The following DGKG variants were observed in gnomAD, a reference collection of about 807,000 sequenced individuals.
DGKG encodes the protein diacylglycerol kinase gamma, also known as DAG kinase gamma.
DGKG carries 78 observed loss-of-function variants against 105.3 expected under a neutral mutation model. That is an observed-to-expected ratio of 0.74 (90% CI 0.62 to 0.89). The LOEUF (loss-of-function observed/expected upper bound fraction) is 0.89. DGKG is among the 40% of genes least tolerant of loss of function. DGKG has a pLI of 0.00. For missense variants in DGKG, 958 were observed against 1,020.1 expected (o/e 0.94, Z 0.83); for synonymous variants, 346 against 367.1 (o/e 0.94, Z 0.66).
At chr3:186,217,838 CA>C (rs1560100351) in intron 20 of DGKG, among the ~76,000 whole-genome samples, 1 of 152,172 alleles carries the variant, frequency 6.6e-6, no homozygotes, top group Non-Finnish European at 1.5e-5. Flanking sequence ...GTTGTCAAAA[CA>C]TGAAAACATT....
chr3:186,268,903 T>C lies in DGKG; in HGVS notation c.1014A>G (p.Ala338=). ...AKRSGEVMQH[A]WVEGNSSVKC... ...TGACGGAGGAGTTCCCTTCCACCCA[T>C]GCGTGCTGCATCACCTGCGGGAGGG... The change falls in exon 12 of 25, where the codon GCA becomes GCG. Residue 338 remains alanine, a synonymous_variant. Transcript: ENST00000265022. The C allele has an allele frequency of 1.9e-6, 3 of 1,613,502 alleles. No homozygotes were observed. The highest frequency in any genetic ancestry group is 1.6e-4 in the Middle Eastern group (1 of 6,062).
chr3:186,211,662 C>G (rs1360915236), intron 21 of DGKG, 133 bp downstream of exon 21: 4 of 663,522 alleles, frequency 6.0e-6, no homozygotes, highest in African/African-American at 5.4e-5. Flanking sequence ...TGTTTTGGAA[C>G]AGGATGGAGA....
chr3:186,306,668 G>A, intron 3 of DGKG: 1 of 468,348 alleles, frequency 2.1e-6, no homozygotes, highest in South Asian at 3.4e-5. Context: ...GAGAGGAGGG[G>A]TGAGAGATGA....
chr3:186,207,947 C>G (rs1578665921), intron 21 of DGKG, among the ~76,000 whole-genome samples: 1 of 152,264 alleles, frequency 6.6e-6, no homozygotes, highest in Admixed American at 6.5e-5. Context: ...AGCTTCGTTT[C>G]AGAGATGAGA....
chr3:186,353,816 A>G (rs569017503), intron 1 of DGKG, among the ~76,000 whole-genome samples: 48 of 152,194 alleles, frequency 3.2e-4, no homozygotes, highest in Middle Eastern at 3.4e-3. Flanking sequence ...TACTGATTGA[A>G]TATTGGTTAA....
chr3:186,151,597 C>A (rs542777539), intron 24 of DGKG, among the ~76,000 whole-genome samples: 4 of 152,186 alleles, frequency 2.6e-5, no homozygotes, highest in African/African-American at 9.6e-5. Flanking sequence ...ACAGGTGGGG[C>A]AGCTGGTGTG....
intron 1 of DGKG, among the ~76,000 whole-genome samples, chr3:186,360,583 A>T (rs1373985236): frequency 2.6e-5 from 4 of 152,206 alleles, no homozygotes; most frequent in African/African-American, 9.6e-5. Context: ...AGAGGGACAT[A>T]AAATATAAAG....
chr3:186,311,273 G>A (rs1724528717), intron 2 of DGKG, among the ~76,000 whole-genome samples: 1 of 152,018 alleles, frequency 6.6e-6, no homozygotes, highest in Non-Finnish European at 1.5e-5. Context: ...AATGAAGACT[G>A]TCCTAAAAAG....
intron 2 of DGKG, among the ~76,000 whole-genome samples, chr3:186,317,163 C>T (rs531010009): frequency 6.6e-6 from 1 of 152,236 alleles, no homozygotes. Flanking sequence ...GCATTTGGAG[C>T]TCCTCCTTGC....
intron 5 of DGKG, among the ~76,000 whole-genome samples, chr3:186,292,071 G>A (rs775093953): frequency 2.6e-5 from 4 of 152,146 alleles, no homozygotes; most frequent in Non-Finnish European, 5.9e-5. Context: ...ATGGCCATCT[G>A]AGTACGACCC....
At chr3:186,271,410 C>G (rs1722311333) in intron 11 of DGKG, among the ~76,000 whole-genome samples, 1 of 152,106 alleles carries the variant, frequency 6.6e-6, no homozygotes, top group African/African-American at 2.4e-5. Context: ...ACCCAATAAC[C>G]AGCATGGCCT....
chr3:186,299,841 T>TTTCTTTCTTTCCTTCCTTC (rs1446531456), intron 3 of DGKG, among the ~76,000 whole-genome samples: 23 of 74,614 alleles, frequency 3.1e-4, no homozygotes, highest in African/African-American at 1.1e-3. Context: ...TTCTTTCTTT[T>TTTCTTTCTTTCCTTCCTTC]TTTTTTTTTT....
rs145458894 is a variant in DGKG, at chr3:186,162,360, T to A, written c.2217-697A>T. 6.2e-3 allele frequency among the ~76,000 whole-genome samples: 951 copies of A among 152,288 alleles called. 8 individuals are homozygous for A. Among genetic ancestry groups the A allele is most frequent in the African/African-American group, 0.021 (891 of 41,568 alleles). On this transcript the variant is annotated intron_variant, in intron 23 of 24. Transcript: ENST00000265022. ...CACTGAGCAGGTGCTCCTCAAACAG[T>A]CAGCTAGAAGGCCCAGAGTACGTGC...
In DGKG at chr3:186,220,461, C is replaced by T. The variant is rs190562193; in HGVS notation, c.1827-8576G>A. On this transcript the variant is annotated intron_variant, in intron 20 of 24. Coordinates refer to ENST00000265022, the MANE Select transcript of DGKG (RefSeq NM_001346.3). ...CAAACCCCGTCTTCCAGCCCATACT[C>T]CTTACTGGTTTACTCTCCCTGGCTC... 1.7e-4 allele frequency among the ~76,000 whole-genome samples: 26 copies of T among 152,228 alleles called. 1 individual carries two copies. Among genetic ancestry groups the T allele is most frequent in the South Asian group, 1.5e-3 (7 of 4,816 alleles).
At chr3:186,240,677 G>A (rs1391018549) in intron 20 of DGKG, among the ~76,000 whole-genome samples, 1 of 152,122 alleles carries the variant, frequency 6.6e-6, no homozygotes, top group Non-Finnish European at 1.5e-5. Flanking sequence ...GGGTGTGGTA[G>A]TGGGTGCCTG....
intron 1 of DGKG, among the ~76,000 whole-genome samples, chr3:186,335,132 C>T (rs928756912): frequency 9.2e-5 from 14 of 152,110 alleles, no homozygotes; most frequent in Admixed American, 7.9e-4. Context: ...AGTGCAGTGG[C>T]GCGATCTCAG....
At chr3:186,217,724 A>G (rs1719365075) in intron 20 of DGKG, among the ~76,000 whole-genome samples, 1 of 152,136 alleles carries the variant, frequency 6.6e-6, no homozygotes, top group Admixed American at 6.5e-5. Flanking sequence ...CTGGCCATTC[A>G]CTTTACCAGC....
At chr3:186,299,173 A>G (rs1448139694) in intron 3 of DGKG, among the ~76,000 whole-genome samples, 1 of 152,204 alleles carries the variant, frequency 6.6e-6, no homozygotes, top group Non-Finnish European at 1.5e-5. Flanking sequence ...GCTCCTGGAA[A>G]TCATTTGAGG....
At chr3:186,330,645 G>A (rs1020607913) in intron 1 of DGKG, among the ~76,000 whole-genome samples, 5 of 152,184 alleles carry the variant, frequency 3.3e-5, no homozygotes, top group Non-Finnish European at 7.3e-5. Flanking sequence ...ACATTACAGA[G>A]AGGAGAACTG....
Sources: gnomAD v4.1 joint callset for allele counts (sites outside exome capture counted in the v4.1 genomes callset) on GRCh38, gnomAD v4.1.1 for gene constraint, MANE v1.5 for transcripts, NCBI Gene and HGNC (gene_info 2026-07-23, HGNC 2026-07-21) for gene names.